Variants in MAPKAPK3 observed in about 807,000 individuals in gnomAD.
MAPKAPK3 encodes the protein MAPK activated protein kinase 3.
Under a neutral mutation model 49.2 loss-of-function variants are expected in MAPKAPK3, and 35 were observed. The ratio of observed to expected loss-of-function variants is 0.71; its 90% CI spans 0.54 to 0.94. The LOEUF is 0.94. Ranked by LOEUF, MAPKAPK3 falls within the 40% of genes least tolerant of loss-of-function variation. The pLI, the probability that MAPKAPK3 is intolerant of heterozygous loss-of-function variation, is 0.00. For synonymous variants in MAPKAPK3, 178 were observed against 188.7 expected, an observed-to-expected ratio of 0.94 and a Z score of 0.46; for missense variants, 398 against 493.1, an observed-to-expected ratio of 0.81 and a Z score of 1.83.
chr3:50,616,867 A>C (rs1379794019), upstream of MAPKAPK3, among the ~76,000 whole-genome samples: 1 of 151,954 alleles, frequency 6.6e-6, no homozygotes, highest in African/African-American at 2.4e-5. Flanking sequence ...GTCACGTTCT[A>C]GGTTGCGAGT....
upstream of MAPKAPK3, among the ~76,000 whole-genome samples, chr3:50,614,946 A>G (rs1173156226): frequency 6.6e-6 from 1 of 152,246 alleles, no homozygotes; most frequent in East Asian, 1.9e-4. Context: ...GCAACTTAAA[A>G]TTTTAATAAA....
chr3:50,633,091 A>ATGGTGTC (rs59414747), intron 2 of MAPKAPK3, among the ~76,000 whole-genome samples: 2 of 151,998 alleles, frequency 1.3e-5, no homozygotes, highest in South Asian at 4.1e-4. Context: ...TGCCATGGTG[A>ATGGTGTC]CCAGTGGGAG....
intron 2 of MAPKAPK3, among the ~76,000 whole-genome samples, chr3:50,623,109 G>C (rs923855051): frequency 6.6e-6 from 1 of 152,168 alleles, no homozygotes. Flanking sequence ...TCTCCAGACC[G>C]GTCAGATCAG....
chr3:50,620,912 C>A (rs1418088721), intron 2 of MAPKAPK3, among the ~76,000 whole-genome samples: 1 of 152,186 alleles, frequency 6.6e-6, no homozygotes, highest in Non-Finnish European at 1.5e-5. Context: ...TTAATTAGTA[C>A]CTTCAGCTTT....
intron 2 of MAPKAPK3, among the ~76,000 whole-genome samples, chr3:50,635,469 G>A (rs991174204): frequency 2.5e-4 from 31 of 122,906 alleles, no homozygotes; most frequent in African/African-American, 9.2e-4. Context: ...CTAGGCTGTA[G>A]TGCAGTGGCA....
Position 50,646,073 on chromosome 3 carries a change from T to TG in MAPKAPK3, c.705-66dup, listed in dbSNP as rs1370440685. 7.7e-6 allele frequency: 12 copies of TG among 1,568,176 alleles called. No individual in the cohort carries two copies. The East Asian group carries it at 2.5e-4, about 32-fold the overall frequency. On this transcript the variant is annotated intron_variant, in intron 7 of 10. Transcript: ENST00000621469. ...GTCTGTCTCCCCAGTCAGGGGCTTT[T>TG]GAGGGGAAATGGGTCCACCCTGGCA...
chr3:50,618,611 G>A (rs2032531072), intron 2 of MAPKAPK3, among the ~76,000 whole-genome samples: 1 of 152,210 alleles, frequency 6.6e-6, no homozygotes, highest in Non-Finnish European at 1.5e-5. Context: ...TTTGTAGCTT[G>A]TGCCAATGGA....
rs1360271800 is a variant in MAPKAPK3, at chr3:50,646,216, G to C, written c.781G>C (p.Gly261Arg). 3 of 1,614,184 alleles carry C rather than the reference G, an allele frequency of 1.9e-6. No individual in the cohort carries two copies. Among genetic ancestry groups the C allele is most frequent in the Non-Finnish European group, 2.5e-6 (3 of 1,180,032 alleles). Residue 261 changes from glycine to arginine, a missense_variant, in exon 8 of 11, where the codon GGC becomes CGC. This residue lies in a region of MAPKAPK3 where 152 missense variants were observed against 177.3 expected (regional missense o/e 0.86). Transcript: ENST00000621469. ...SPGMKRRIRL[G>R]QYGFPNPEWS... ...GGGGATGAAGAGGAGGATTCGCCTGGGCCAGTACGGCTTCCCCAATCCTGA... is the reference window on the plus strand; with the variant it reads ...GGGGATGAAGAGGAGGATTCGCCTGCGCCAGTACGGCTTCCCCAATCCTGA...
At chr3:50,645,619 A>T in intron 6 of MAPKAPK3, 91 bp from the exon 7 acceptor site, 3 of 967,244 alleles carry the variant, frequency 3.1e-6, no homozygotes, top group Non-Finnish European at 5.0e-6. Flanking sequence ...CAGCCCAGGT[A>T]CCTGCTCCCC....
At chr3:50,629,580 C>T (rs1456061714) in intron 2 of MAPKAPK3, among the ~76,000 whole-genome samples, 1 of 152,186 alleles carries the variant, frequency 6.6e-6, no homozygotes, top group Non-Finnish European at 1.5e-5. Context: ...GGCTGAATGG[C>T]CTGCCCAAGG....
At chr3:50,647,072 C>A in intron 9 of MAPKAPK3, 51 bp from the exon 10 acceptor site, 1 of 1,432,940 alleles carries the variant, frequency 7.0e-7, no homozygotes, top group Non-Finnish European at 9.6e-7. Flanking sequence ...GGAACCAGTG[C>A]TGTCCCAGGT....
chr3:50,647,046 A>G, intron 9 of MAPKAPK3, 77 bp from the exon 10 acceptor site: 2 of 1,297,106 alleles, frequency 1.5e-6, no homozygotes, highest in Admixed American at 2.0e-5. Flanking sequence ...GTCTGGGAGA[A>G]GAGGATGGAG....
chr3:50,640,270 G>C, intron 2 of MAPKAPK3, 96 bp from the exon 3 acceptor site: 1 of 1,194,232 alleles, frequency 8.4e-7, no homozygotes, highest in Non-Finnish European at 1.2e-6. Flanking sequence ...GTGTGACCTG[G>C]GGCAGGTCAC....
intron 2 of MAPKAPK3, among the ~76,000 whole-genome samples, chr3:50,626,159 G>A (rs566162100): frequency 4.6e-5 from 7 of 152,126 alleles, no homozygotes; most frequent in African/African-American, 1.2e-4. Context: ...AATGGTCTGA[G>A]ACTTTTGCTT....
At chr3:50,622,509 T>C (rs1403174375) in intron 2 of MAPKAPK3, among the ~76,000 whole-genome samples, 4 of 152,224 alleles carry the variant, frequency 2.6e-5, no homozygotes, top group Admixed American at 6.5e-5. Context: ...AAAGCTCTTT[T>C]ATAGCACCTA....
chr3:50,640,945 T>C (rs139954907), intron 3 of MAPKAPK3, among the ~76,000 whole-genome samples: 2 of 152,290 alleles, frequency 1.3e-5, no homozygotes, highest in African/African-American at 2.4e-5. Flanking sequence ...GCCAGTGGCC[T>C]TTTCCACCCT....
chr3:50,645,831 C>T, intron 7 of MAPKAPK3, 46 bp downstream of exon 7: 1 of 1,568,934 alleles, frequency 6.4e-7, no homozygotes, highest in Non-Finnish European at 8.8e-7. Flanking sequence ...GCCCTTACCC[C>T]CACTGTGAGC....
chr3:50,641,933 G>A (rs1441147015), intron 4 of MAPKAPK3, among the ~76,000 whole-genome samples, 162 bp downstream of exon 4: 2 of 152,210 alleles, frequency 1.3e-5, no homozygotes, highest in African/African-American at 4.8e-5. Context: ...CTCTGAGTCT[G>A]AGACACTTTG....
intron 2 of MAPKAPK3, among the ~76,000 whole-genome samples, chr3:50,635,457 A>G (rs2033014340): frequency 9.3e-6 from 1 of 107,246 alleles, no homozygotes; most frequent in Non-Finnish European, 1.7e-5. Context: ...TCATTCTGTC[A>G]TCTAGGCTGT....
Sources: gnomAD v4.1 joint callset for allele counts (sites outside exome capture counted in the v4.1 genomes callset) on GRCh38, gnomAD v4.1.1 for gene constraint, gnomAD v4.1.1 regional missense constraint, MANE v1.5 for transcripts, NCBI Gene and HGNC (gene_info 2026-07-23, HGNC 2026-07-21) for gene names.